The following SLC24A3 variants were observed in gnomAD, a reference collection of about 807,000 sequenced individuals.
SLC24A3 encodes sodium/potassium/calcium exchanger 3.
Under a neutral mutation model 75.8 loss-of-function variants are expected in SLC24A3, and 28 were observed. The observed-to-expected ratio is 0.37, with a 90% confidence interval of 0.27 to 0.51. The LOEUF (loss-of-function observed/expected upper bound fraction) is 0.51, where lower values mean the gene tolerates loss of function less well. SLC24A3 is among the 20% of genes least tolerant of loss of function. The pLI, the probability that SLC24A3 is intolerant of heterozygous loss-of-function variation, is 0.94. For missense variants in SLC24A3, 663 were observed against 847.8 expected (o/e 0.78, Z 2.71); for synonymous variants, 372 against 334.1 (o/e 1.11, Z -1.24).
intron 2 of SLC24A3, among the ~76,000 whole-genome samples, chr20:19,364,575 C>G (rs1985851090): frequency 1.3e-5 from 2 of 152,144 alleles, no homozygotes; most frequent in Non-Finnish European, 2.9e-5. Flanking sequence ...CTACTTCAGC[C>G]TCCCGAGTAG....
intron 3 of SLC24A3, among the ~76,000 whole-genome samples, chr20:19,562,273 T>C (rs2122611973): frequency 6.6e-6 from 1 of 152,316 alleles, no homozygotes; most frequent in East Asian, 1.9e-4. Context: ...TATCTCACAT[T>C]GTTCCTCTAA....
chr20:19,215,051 G>T (rs1455513887), intron 1 of SLC24A3, among the ~76,000 whole-genome samples: 1 of 152,122 alleles, frequency 6.6e-6, no homozygotes, highest in Non-Finnish European at 1.5e-5. Context: ...AGGTATTGAT[G>T]ATTTTGGTAT....
intron 2 of SLC24A3, among the ~76,000 whole-genome samples, chr20:19,468,842 G>A (rs1452074779): frequency 6.6e-6 from 1 of 152,200 alleles, no homozygotes; most frequent in Non-Finnish European, 1.5e-5. Flanking sequence ...AAGGAGGTGA[G>A]TGTATTTGAA....
At chr20:19,653,981 A>T (rs936156154) in intron 6 of SLC24A3, 81 bp from the exon 7 acceptor site, 1 of 1,204,554 alleles carries the variant, frequency 8.3e-7, no homozygotes, top group Non-Finnish European at 1.2e-6. Flanking sequence ...CTAGACAGGA[A>T]GCTGGCTAAA....
chr20:19,285,251 G>T (rs577038948), intron 2 of SLC24A3, among the ~76,000 whole-genome samples: 62 of 152,260 alleles, frequency 4.1e-4, no homozygotes, highest in African/African-American at 1.4e-3. Context: ...CCCAAGGCGG[G>T]TGGATTACTT....
chr20:19,558,460 C>T (rs915815428), intron 3 of SLC24A3, among the ~76,000 whole-genome samples: 1 of 152,130 alleles, frequency 6.6e-6, no homozygotes, highest in African/African-American at 2.4e-5. Context: ...CGTCTACAGA[C>T]ATTTTTAAAC....
chr20:19,485,517 T>C (rs892233781), intron 2 of SLC24A3, among the ~76,000 whole-genome samples: 2 of 152,236 alleles, frequency 1.3e-5, no homozygotes, highest in African/African-American at 2.4e-5. Context: ...TGGTTGTATC[T>C]GGGCCAGGAG....
intron 1 of SLC24A3, among the ~76,000 whole-genome samples, chr20:19,219,251 C>G (rs567699613): frequency 1.3e-5 from 2 of 152,260 alleles, no homozygotes; most frequent in African/African-American, 4.8e-5. Flanking sequence ...ACGGCCCACA[C>G]TATCCCTTAT....
chr20:19,291,622 T>C (rs1983943649), intron 2 of SLC24A3, among the ~76,000 whole-genome samples: 1 of 152,002 alleles, frequency 6.6e-6, no homozygotes, highest in South Asian at 2.1e-4. Flanking sequence ...AATAGAACAA[T>C]AAAATCCTTG....
chr20:19,618,608 C>T (rs2031767303), intron 6 of SLC24A3, among the ~76,000 whole-genome samples: 1 of 152,138 alleles, frequency 6.6e-6, no homozygotes, highest in Admixed American at 6.5e-5. Context: ...GAATTCAGCC[C>T]GTGACAACCA....
intron 6 of SLC24A3, among the ~76,000 whole-genome samples, chr20:19,587,294 A>C (rs1409427808): frequency 6.6e-6 from 1 of 152,206 alleles, no homozygotes; most frequent in Non-Finnish European, 1.5e-5. Flanking sequence ...TACTTATGAA[A>C]TGGCTTGGAT....
chr20:19,412,615 AGGAGGAGGAGGAGGAGGGGG>A (rs1203644172), intron 2 of SLC24A3, among the ~76,000 whole-genome samples: 1 of 144,334 alleles, frequency 6.9e-6, no homozygotes, highest in African/African-American at 2.7e-5. Flanking sequence ...GAGGAGCAAG[AGGAGGAGGAGGAGGAGGGGG>A]GGAGGAGGAG....
intron 3 of SLC24A3, among the ~76,000 whole-genome samples, chr20:19,569,109 C>A (rs1487802302): frequency 1.3e-5 from 2 of 152,178 alleles, no homozygotes; most frequent in Admixed American, 1.3e-4. Context: ...GGAGGTCAGA[C>A]CTGTCCAGCG....
intron 2 of SLC24A3, among the ~76,000 whole-genome samples, chr20:19,510,709 G>A (rs187529141): frequency 2.4e-3 from 366 of 152,304 alleles, no homozygotes; most frequent in Middle Eastern, 0.01. Context: ...ACTGTAAGAA[G>A]GTGGCCTCAG....
intron 2 of SLC24A3, among the ~76,000 whole-genome samples, chr20:19,454,190 G>C (rs1600235941): frequency 6.6e-6 from 1 of 152,248 alleles, no homozygotes; most frequent in East Asian, 1.9e-4. Flanking sequence ...TGGGCAGCTG[G>C]GCTTGCCTGC....
intron 1 of SLC24A3, among the ~76,000 whole-genome samples, chr20:19,238,926 T>G (rs1387700346): frequency 6.6e-6 from 1 of 150,936 alleles, no homozygotes; most frequent in Non-Finnish European, 1.5e-5. Flanking sequence ...AAAAAAGGAG[T>G]TTTATTCCCA....
intron 2 of SLC24A3, among the ~76,000 whole-genome samples, chr20:19,355,756 C>A (rs1453730720): frequency 6.6e-6 from 1 of 152,152 alleles, no homozygotes; most frequent in African/African-American, 2.4e-5. Flanking sequence ...TGGTAGTGAG[C>A]CTAATAACTC....
rs1297659609 is a variant in SLC24A3 at position 19,617,609 on chromosome 20, T to G, written c.612+32065T>G. Among the ~76,000 whole-genome samples, 13 of 152,330 alleles carry G rather than the reference T, an allele frequency of 8.5e-5. No homozygotes were observed. In the East Asian group the frequency reaches 2.1e-3, roughly 25 times the overall value. On this transcript the variant is annotated intron_variant, in intron 6 of 16. Transcript: ENST00000328041. Reference sequence around the variant, plus strand: ...CAAATGGTCATGAAACCTCTGCTGTTGCAAACCAAGACTGCCTGCAGGAGG... The same window carrying G: ...CAAATGGTCATGAAACCTCTGCTGTGGCAAACCAAGACTGCCTGCAGGAGG...
chr20:19,555,724 T>A (rs1016959070), intron 3 of SLC24A3, among the ~76,000 whole-genome samples: 2 of 152,152 alleles, frequency 1.3e-5, no homozygotes, highest in African/African-American at 2.4e-5. Flanking sequence ...AGAAACCCCA[T>A]CTTTGTACAT....
Sources: gnomAD v4.1 joint callset for allele counts (sites outside exome capture counted in the v4.1 genomes callset) on GRCh38, gnomAD v4.1.1 for gene constraint, MANE v1.5 for transcripts, NCBI Gene and HGNC (gene_info 2026-07-23, HGNC 2026-07-21) for gene names.